Variants in MEI4 observed in about 807,000 individuals in gnomAD.
MEI4 encodes meiotic double-stranded break formation protein 4.
In MEI4, 27 loss-of-function variants were observed where a neutral mutation model predicts 31.4. That is an observed-to-expected ratio of 0.86 (90% CI 0.63 to 1.19). The LOEUF is 1.19. Among genes scored for constraint, MEI4 ranks in the 50% most tolerant of loss-of-function variants. The probability of loss-of-function intolerance (pLI) is 0.00; values close to 1 mark genes in which losing one functional copy is unlikely to be tolerated. For missense variants in MEI4, 329 were observed against 398.9 expected (o/e 0.82, Z 1.49); for synonymous variants, 122 against 145.4 (o/e 0.84, Z 1.16).
At chr6:77,803,108 C>T (rs1437812255) in intron 3 of MEI4, among the ~76,000 whole-genome samples, 1 of 152,212 alleles carries the variant, frequency 6.6e-6, no homozygotes, top group East Asian at 1.9e-4. Flanking sequence ...TTCAGGTACA[C>T]CAATCAGTTG....
At chr6:77,729,366 A>T (rs1387513221) in intron 2 of MEI4, among the ~76,000 whole-genome samples, 1 of 152,254 alleles carries the variant, frequency 6.6e-6, no homozygotes, top group African/African-American at 2.4e-5. Context: ...ATGGGTTATT[A>T]AAAGATAGTG....
At chr6:77,807,612 G>T (rs567197104) in intron 3 of MEI4, among the ~76,000 whole-genome samples, 61 of 152,236 alleles carry the variant, frequency 4.0e-4, no homozygotes, top group African/African-American at 1.4e-3. Context: ...TAATCTCACT[G>T]CAGATATAGG....
chr6:77,788,925 A>T (rs1222360864), intron 3 of MEI4, among the ~76,000 whole-genome samples: 1 of 152,174 alleles, frequency 6.6e-6, no homozygotes, highest in Non-Finnish European at 1.5e-5. Flanking sequence ...TATGGAACCA[A>T]AAAAGAGCCC....
chr6:77,852,864 C>T (rs548281979), intron 4 of MEI4, among the ~76,000 whole-genome samples: 2 of 152,044 alleles, frequency 1.3e-5, no homozygotes, highest in East Asian at 3.9e-4. Context: ...ACATTCAGAC[C>T]ATAAAACTAT....
At chr6:77,866,882 C>T (rs910727301) in intron 4 of MEI4, among the ~76,000 whole-genome samples, 2 of 152,110 alleles carry the variant, frequency 1.3e-5, no homozygotes, top group African/African-American at 2.4e-5. Context: ...GAGATATAGA[C>T]CAATGGAACA....
At position 77,761,541 on chromosome 6, in the gene MEI4, C is replaced by G. The variant is rs1369262418; in HGVS notation, c.644C>G (p.Thr215Ser). The G allele has an allele frequency of 1.5e-5, 19 of 1,231,898 alleles. No individual in the cohort carries two copies. Among genetic ancestry groups the G allele is most frequent in the Non-Finnish European group, 1.8e-5 (18 of 987,888 alleles). 76.3% of individuals were successfully genotyped at this position (1,231,898 alleles called of 1,614,324 possible). A position where few individuals can be genotyped will look rare whatever the true frequency, so the allele number is the denominator to read the frequency against. Reference sequence around the variant, plus strand: ...AGATTTTGGACAGAAGCTGTTGGTACTTTAGCTAGTCTGATCAGTGACTAT... The same window carrying G: ...AGATTTTGGACAGAAGCTGTTGGTAGTTTAGCTAGTCTGATCAGTGACTAT... ...FSRFWTEAVG[T>S]LASLISDYNL... Residue 215 changes from threonine (T) to serine (S), a missense_variant, in exon 3 of 5, where the codon ACT (threonine) becomes AGT (serine). Physicochemically the swap from Thr to Ser is moderately conservative, Grantham distance 58. Coordinates refer to ENST00000684080, the MANE Select transcript of MEI4 (RefSeq NM_001322247.2).
chr6:77,682,287 A>G (rs1157953030), intron 1 of MEI4, among the ~76,000 whole-genome samples: 2 of 152,202 alleles, frequency 1.3e-5, no homozygotes, highest in Non-Finnish European at 2.9e-5. Flanking sequence ...CTTTCTTGGC[A>G]AGTATTTAGA....
intron 3 of MEI4, among the ~76,000 whole-genome samples, chr6:77,800,070 A>G (rs1005164368): frequency 8.5e-5 from 13 of 152,194 alleles, no homozygotes; most frequent in African/African-American, 3.1e-4. Flanking sequence ...CATTGAATCT[A>G]TAAATTACCT....
chr6:77,907,640 TG>T lies in MEI4; in HGVS notation c.901-15446del, dbSNP rs567853310. 3.1e-3 allele frequency among the ~76,000 whole-genome samples: 469 copies of T among 152,318 alleles called. 1 individual carries two copies. The highest frequency in any genetic ancestry group is 0.011 in the African/African-American group (453 of 41,580). The stretch of plus-strand genomic sequence containing the variant: ...TATAGCAGCATGTTTTATAATCCTT[TG>T]GGTATATACCCAGTAATGGGATGGC... On this transcript the variant is annotated intron_variant, in intron 4 of 4. Coordinates refer to ENST00000684080, the MANE Select transcript of MEI4 (RefSeq NM_001322247.2).
chr6:77,655,783 A>C (rs1768383480), intron 1 of MEI4, among the ~76,000 whole-genome samples: 1 of 152,146 alleles, frequency 6.6e-6, no homozygotes, highest in Admixed American at 6.5e-5. Context: ...CAGTAGACTC[A>C]GAGATTTTTA....
chr6:77,760,256 G>T (rs1013867713), intron 2 of MEI4, among the ~76,000 whole-genome samples: 1 of 150,588 alleles, frequency 6.6e-6, no homozygotes, highest in Non-Finnish European at 1.5e-5. Context: ...ACACATATAT[G>T]ATATACATAT....
Position 77,744,742 on chromosome 6 carries a change from G to A in MEI4, c.233-16388G>A, listed in dbSNP as rs372906316. 5.3e-5 allele frequency among the ~76,000 whole-genome samples: 8 copies of A among 152,172 alleles called. No homozygotes were observed. The East Asian group carries it at 1.5e-3, about 29-fold the overall frequency. ...GAGAAAGGTATGGTTACCCACAAGG[G>A]GAAGCCCATCAGACTAACAGTCGAT... On this transcript the variant is annotated intron_variant, in intron 2 of 4. Transcript: ENST00000684080.
At chr6:77,775,633 G>C (rs190036895) in intron 3 of MEI4, among the ~76,000 whole-genome samples, 1 of 152,098 alleles carries the variant, frequency 6.6e-6, no homozygotes, top group South Asian at 2.1e-4. Context: ...TGCAAGTTGT[G>C]CTTCTATAAA....
intron 3 of MEI4, among the ~76,000 whole-genome samples, chr6:77,785,045 C>T (rs1279993776): frequency 6.6e-6 from 1 of 152,062 alleles, no homozygotes; most frequent in Non-Finnish European, 1.5e-5. Flanking sequence ...CTGAAATTTC[C>T]CCGTCAGCTA....
At chr6:77,869,616 G>T (rs1771145463) in intron 4 of MEI4, among the ~76,000 whole-genome samples, 1 of 152,104 alleles carries the variant, frequency 6.6e-6, no homozygotes, top group East Asian at 1.9e-4. Context: ...CTCTAGAACT[G>T]TGAGAAAATA....
intron 2 of MEI4, among the ~76,000 whole-genome samples, chr6:77,750,632 G>C (rs559060507): frequency 1.2e-4 from 19 of 152,074 alleles, no homozygotes; most frequent in Non-Finnish European, 2.8e-4. Flanking sequence ...AGTTCTTAGC[G>C]ACCTACAAAG....
At chr6:77,754,157 T>C (rs912208312) in intron 2 of MEI4, among the ~76,000 whole-genome samples, 1 of 152,058 alleles carries the variant, frequency 6.6e-6, no homozygotes, top group Non-Finnish European at 1.5e-5. Flanking sequence ...ATGTAGATGA[T>C]GGGTTGATGG....
At chr6:77,842,668 A>T (rs114384533) in intron 4 of MEI4, among the ~76,000 whole-genome samples, 509 of 152,196 alleles carry the variant, frequency 3.3e-3, no homozygotes, top group African/African-American at 0.012. Flanking sequence ...CTTCCAAATT[A>T]TAAGCATTCT....
intron 3 of MEI4, among the ~76,000 whole-genome samples, chr6:77,776,295 A>G (rs1020932749): frequency 6.6e-6 from 1 of 151,968 alleles, no homozygotes; most frequent in African/African-American, 2.4e-5. Flanking sequence ...TCTGCTTACT[A>G]TACCTAACCA....
Sources: gnomAD v4.1 joint callset for allele counts (sites outside exome capture counted in the v4.1 genomes callset) on GRCh38, gnomAD v4.1.1 for gene constraint, MANE v1.5 for transcripts, NCBI Gene and HGNC (gene_info 2026-07-23, HGNC 2026-07-21) for gene names.